The following SIAE variants were observed in gnomAD, a reference collection of about 807,000 sequenced individuals.
SIAE encodes the protein sialic acid acetylesterase.
Under a neutral mutation model 52.6 loss-of-function variants are expected in SIAE, and 39 were observed. The ratio of observed to expected loss-of-function variants is 0.74; its 90% confidence interval spans 0.57 to 0.97. SIAE has a LOEUF of 0.97. Ranked by LOEUF, SIAE falls within the 50% of genes least tolerant of loss-of-function variation. The pLI, the probability that SIAE is intolerant of heterozygous loss-of-function variation, is 0.00. For missense variants in SIAE, 592 were observed against 662.1 expected (o/e 0.89, Z 1.16); for synonymous variants, 233 against 241.4 (o/e 0.97, Z 0.32).
intron 6 of SIAE, 24 bp downstream of exon 6, chr11:124,648,042 A>G: frequency 1.3e-6 from 2 of 1,554,782 alleles, no homozygotes; most frequent in African/African-American, 1.4e-5. Flanking sequence ...GATACAATGG[A>G]GAAAGAGTAC....
chr11:124,647,582 C>T (rs923586520), intron 6 of SIAE, 84 bp from the exon 7 acceptor site: 3 of 1,528,942 alleles, frequency 2.0e-6, no homozygotes, highest in African/African-American at 1.4e-5. Context: ...CATCCATGCC[C>T]TGAGGTAGTG....
At chr11:124,660,905 C>T (rs893217562) in intron 2 of SIAE, 102 bp from the exon 3 acceptor site, 11 of 1,401,276 alleles carry the variant, frequency 7.8e-6, no homozygotes, top group East Asian at 4.6e-5. Context: ...TGTAATAAAC[C>T]GAATTCAAAG....
upstream of SIAE, chr11:124,673,845 C>T (rs190648973): frequency 0.01 from 8,575 of 821,060 alleles, 67 homozygotes; most frequent in Non-Finnish European, 0.012. Flanking sequence ...GGGCTGTACT[C>T]GCCCCTTCTC....
chr11:124,675,270 G>A (rs374373269), upstream of SIAE: 28 of 1,611,744 alleles, frequency 1.7e-5, no homozygotes, highest in African/African-American at 2.7e-4. Context: ...AGAAGATGTC[G>A]ATTCCATTCT....
At chr11:124,673,052 T>C (rs79069310) in intron 1 of SIAE, among the ~76,000 whole-genome samples, 8,867 of 152,188 alleles carry the variant, frequency 0.058, 589 homozygotes, top group African/African-American at 0.16. Flanking sequence ...GCCTCCCCTA[T>C]GCCACTCACA....
chr11:124,650,785 TAATA>T (rs1259179350), intron 4 of SIAE, among the ~76,000 whole-genome samples: 1 of 151,604 alleles, frequency 6.6e-6, no homozygotes, highest in Non-Finnish European at 1.5e-5. Context: ...AAAAAATAAA[TAATA>T]AATAAAATAA....
At chr11:124,671,961 A>G (rs1348702403) in intron 1 of SIAE, among the ~76,000 whole-genome samples, 1 of 148,312 alleles carries the variant, frequency 6.7e-6, no homozygotes, top group African/African-American at 2.5e-5. Flanking sequence ...TATCTTTAGT[A>G]GAGACGGGGT....
At position 124,639,155 on chromosome 11, in the gene SIAE, C is replaced by T. The variant is rs144252927; in HGVS notation, c.1125-418G>A. ...TTTATTCAATAAATCAATCAAGTTC[C>T]TCCTATAATCCAGACACTGTGTGTT... On this transcript the variant is annotated intron_variant, in intron 8 of 9. Coordinates refer to ENST00000263593, the MANE Select transcript of SIAE (RefSeq NM_170601.5). Among the ~76,000 whole-genome samples, 56 of 152,284 alleles carry T rather than the reference C, an allele frequency of 3.7e-4. 1 individual carries two copies. The East Asian group carries it at 0.011, about 29-fold the overall frequency.
At chr11:124,668,145 A>C (rs1340930565) in intron 2 of SIAE, among the ~76,000 whole-genome samples, 3 of 151,562 alleles carry the variant, frequency 2.0e-5, no homozygotes, top group East Asian at 1.9e-4. Context: ...CCAGTCACAC[A>C]CCCCCCAGTG....
At chr11:124,671,033 T>C (rs1013383631) in intron 1 of SIAE, among the ~76,000 whole-genome samples, 1 of 152,114 alleles carries the variant, frequency 6.6e-6, no homozygotes, top group Non-Finnish European at 1.5e-5. Context: ...GGTAGGGGAA[T>C]GGCTGCAGCT....
At chr11:124,652,117 C>T (rs1263128325) in intron 4 of SIAE, among the ~76,000 whole-genome samples, 2 of 152,090 alleles carry the variant, frequency 1.3e-5, no homozygotes, top group Admixed American at 1.3e-4. Context: ...AGGTTAGAGC[C>T]ACATCTTGGA....
chr11:124,669,238 G>C, intron 2 of SIAE, 122 bp downstream of exon 2: 2 of 1,273,316 alleles, frequency 1.6e-6, no homozygotes, highest in Non-Finnish European at 2.3e-6. Context: ...TTTTATGGAT[G>C]AATGGACAGA....
intron 2 of SIAE, among the ~76,000 whole-genome samples, chr11:124,664,294 C>T (rs1316666247): frequency 2.2e-4 from 34 of 151,528 alleles, no homozygotes; most frequent in African/African-American, 6.3e-4. Flanking sequence ...TGCAGTGGCG[C>T]GATCTTGGCT....
chr11:124,673,694 C>A lies in SIAE; in HGVS notation c.15G>T (p.Gly5=), dbSNP rs201728837. The A allele has an allele frequency of 1.2e-6, 2 of 1,613,626 alleles. No homozygotes were observed. Among genetic ancestry groups the A allele is most frequent in the African/African-American group, 2.7e-5 (2 of 75,022 alleles). MVAP[G]LVLGLVLPLI... is the part of the protein sequence containing the mutation. ...ATGGCAGCACCAGCCCGAGTACAAG[C>A]CCCGGCGCGACCATGCTTGCAAGGA... is the stretch of plus-strand genomic sequence containing the variant. Residue 5 remains glycine, a synonymous_variant, in exon 1 of 10, where the codon GGG becomes GGT. Transcript: ENST00000263593.
At chr11:124,641,637 C>T (rs1283821262) in intron 7 of SIAE, among the ~76,000 whole-genome samples, 1 of 152,098 alleles carries the variant, frequency 6.6e-6, no homozygotes. Flanking sequence ...AAAGATTGTT[C>T]TAGTGATCAT....
chr11:124,662,598 AG>A (rs1444230815), intron 2 of SIAE, among the ~76,000 whole-genome samples: 1 of 152,216 alleles, frequency 6.6e-6, no homozygotes, highest in Non-Finnish European at 1.5e-5. Context: ...TCTGCTACCC[AG>A]TAATTAAAAG....
At chr11:124,651,402 G>C in intron 4 of SIAE, among the ~76,000 whole-genome samples, 1 of 152,062 alleles carries the variant, frequency 6.6e-6, no homozygotes, top group East Asian at 1.9e-4. Flanking sequence ...AAAAAAATTA[G>C]CTGGGTGTGG....
intron 7 of SIAE, among the ~76,000 whole-genome samples, chr11:124,646,032 G>T (rs1271523560): frequency 6.6e-6 from 1 of 152,078 alleles, no homozygotes; most frequent in African/African-American, 2.4e-5. Flanking sequence ...CTACTCTGTT[G>T]TCATGTTTTA....
chr11:124,633,885 C>T lies in SIAE; in HGVS notation c.*3066G>A, dbSNP rs1345939811. ...AGTAATACCCGTATTAAAAGAGCCT[C>T]ATTTTAGAAAGACATTTAAAATTTT... is the stretch of plus-strand genomic sequence containing the variant. On this transcript the variant is annotated 3_prime_UTR_variant, in exon 10 of 10. Transcript: ENST00000263593. 2.0e-5 allele frequency: 3 copies of T among 152,154 alleles called. No individual in the cohort carries two copies. Among genetic ancestry groups the T allele is most frequent in the African/African-American group, 4.8e-5 (2 of 41,436 alleles). The allele number at this position is 152,154 out of a possible 1,614,324, so 9.4% of individuals were successfully genotyped here.
Sources: gnomAD v4.1 joint callset for allele counts (sites outside exome capture counted in the v4.1 genomes callset) on GRCh38, gnomAD v4.1.1 for gene constraint, MANE v1.5 for transcripts, NCBI Gene and HGNC (gene_info 2026-07-23, HGNC 2026-07-21) for gene names.